Variants in IL2RB observed in about 807,000 individuals in gnomAD.
IL2RB encodes the protein interleukin 2 receptor subunit beta, also known as interleukin-2 receptor subunit beta.
IL2RB carries 17 observed loss-of-function variants against 44.2 expected under a neutral mutation model. The ratio of observed to expected loss-of-function variants is 0.38; its 90% CI spans 0.26 to 0.58. The LOEUF (loss-of-function observed/expected upper bound fraction) is 0.58. IL2RB is among the 20% of genes least tolerant of loss of function. The pLI, the probability that IL2RB is intolerant of heterozygous loss-of-function variation, is 0.63. For missense variants in IL2RB, 624 were observed against 685.5 expected (o/e 0.91, Z 1.00); for synonymous variants, 286 against 297.9 (o/e 0.96, Z 0.41).
chr22:37,127,442 G>C lies in IL2RB; in HGVS notation c.*654C>G, dbSNP rs1046507835. The stretch of plus-strand genomic sequence containing the variant: ...GGAAGTTTGTCACCTAGATGAGGGG[G>C]AGCGCACAGCAGCCCCAGGGAATAG... On this transcript the variant is annotated 3_prime_UTR_variant, in exon 10 of 10. Coordinates refer to ENST00000216223, the MANE Select transcript of IL2RB (RefSeq NM_000878.5). 6.6e-6 allele frequency: 1 copy of C among 152,312 alleles called. No homozygotes were observed. The allele number at this position is 152,312 out of a possible 1,614,324, so 9.4% of individuals were successfully genotyped here.
At chr22:37,140,986 G>A (rs1476424111) in intron 4 of IL2RB, among the ~76,000 whole-genome samples, 2 of 152,096 alleles carry the variant, frequency 1.3e-5, no homozygotes, top group Non-Finnish European at 2.9e-5. Flanking sequence ...CTGCCCATCC[G>A]GAGTGGCCGC....
intron 1 of IL2RB, among the ~76,000 whole-genome samples, chr22:37,168,637 C>A (rs903812219): frequency 6.6e-6 from 1 of 152,226 alleles, no homozygotes; most frequent in South Asian, 2.1e-4. Context: ...TCCTGGCATG[C>A]AGGAGGCACC....
chr22:37,142,079 A>G (rs1232244087), intron 4 of IL2RB, among the ~76,000 whole-genome samples: 1 of 152,110 alleles, frequency 6.6e-6, no homozygotes. Context: ...TGCACTGCCA[A>G]GCCCCCGGGA....
intron 3 of IL2RB, among the ~76,000 whole-genome samples, chr22:37,142,935 A>C (rs1436313303): frequency 1.6e-3 from 181 of 113,808 alleles, no homozygotes; most frequent in African/African-American, 2.7e-3. Flanking sequence ...ATTTTCCCCC[A>C]CCCCACACCC....
intron 6 of IL2RB, among the ~76,000 whole-genome samples, chr22:37,137,162 T>C (rs1921748955): frequency 6.6e-6 from 1 of 152,160 alleles, no homozygotes; most frequent in Non-Finnish European, 1.5e-5. Flanking sequence ...ATTCAGCGCA[T>C]AGTAGGTGCT....
chr22:37,158,711 G>T (rs1266198915), intron 1 of IL2RB, among the ~76,000 whole-genome samples: 2 of 152,216 alleles, frequency 1.3e-5, no homozygotes, highest in Non-Finnish European at 2.9e-5. Flanking sequence ...GAAGGCATGA[G>T]TGTGGCATAC....
Position 37,137,748 on chromosome 22 carries a change from G to A in IL2RB, c.389-13C>T. The A allele has an allele frequency of 1.2e-6, 2 of 1,611,634 alleles. No individual in the cohort carries two copies. The highest frequency in any genetic ancestry group is 1.7e-6 in the Non-Finnish European group (2 of 1,178,046). Reference sequence around the variant, plus strand: ...GCCATCAGGCGAACTGGAGACAACAGGGGGTAGGGGAGAGCAGTCAGCCAT... The same window carrying A: ...GCCATCAGGCGAACTGGAGACAACAAGGGGTAGGGGAGAGCAGTCAGCCAT... On this transcript the variant is annotated splice_polypyrimidine_tract_variant and intron_variant, in intron 5 of 9. Transcript: ENST00000216223.
intron 1 of IL2RB, among the ~76,000 whole-genome samples, chr22:37,145,005 A>T (rs1922160174): frequency 6.6e-6 from 1 of 152,276 alleles, no homozygotes; most frequent in South Asian, 2.1e-4. Flanking sequence ...TGATGGAATA[A>T]ATATAGACAG....
At chr22:37,150,801 C>A (rs1326673745), upstream of IL2RB, among the ~76,000 whole-genome samples, 3 of 152,112 alleles carry the variant, frequency 2.0e-5, no homozygotes, top group African/African-American at 7.2e-5. Context: ...TTTTTAGCTC[C>A]CACAAATAAG....
intron 1 of IL2RB, among the ~76,000 whole-genome samples, chr22:37,173,250 C>T (rs764467253): frequency 1.3e-5 from 2 of 152,172 alleles, no homozygotes; most frequent in South Asian, 4.1e-4. Flanking sequence ...TTGCTTCTCC[C>T]TTGCCAGCAC....
At chr22:37,133,181 A>AG (rs778368554) in intron 8 of IL2RB, among the ~76,000 whole-genome samples, 2 of 152,196 alleles carry the variant, frequency 1.3e-5, no homozygotes, top group African/African-American at 2.4e-5. Flanking sequence ...AAAGCACTGA[A>AG]GGGGCGCAAG....
intron 1 of IL2RB, among the ~76,000 whole-genome samples, chr22:37,144,655 G>A (rs1364432237): frequency 1.3e-5 from 2 of 152,172 alleles, no homozygotes; most frequent in African/African-American, 4.8e-5. Flanking sequence ...TAAGACAGGA[G>A]AATTGCTTGA....
chr22:37,158,972 C>T (rs1251832075), intron 1 of IL2RB, among the ~76,000 whole-genome samples: 1 of 152,230 alleles, frequency 6.6e-6, no homozygotes, highest in Non-Finnish European at 1.5e-5. Context: ...ACTCCTAACC[C>T]AGGTCTCCTC....
At chr22:37,168,643 G>T (rs181393814) in intron 1 of IL2RB, among the ~76,000 whole-genome samples, 15 of 152,362 alleles carry the variant, frequency 9.8e-5, no homozygotes, top group African/African-American at 3.6e-4. Context: ...CATGCAGGAG[G>T]CACCTGAGGA....
intron 1 of IL2RB, among the ~76,000 whole-genome samples, chr22:37,159,162 G>A (rs1922774637): frequency 6.6e-6 from 1 of 152,102 alleles, no homozygotes; most frequent in Non-Finnish European, 1.5e-5. Flanking sequence ...GTTGCTGTGA[G>A]GAAAAAGGAC....
chr22:37,157,283 A>G (rs964030809), intron 1 of IL2RB, among the ~76,000 whole-genome samples: 1 of 152,132 alleles, frequency 6.6e-6, no homozygotes, highest in African/African-American at 2.4e-5. Flanking sequence ...CCAGTCCCCA[A>G]GACAGACTGT....
intron 9 of IL2RB, among the ~76,000 whole-genome samples, chr22:37,129,084 G>C (rs1239485128): frequency 6.6e-6 from 1 of 152,210 alleles, no homozygotes; most frequent in Admixed American, 6.5e-5. Context: ...CCCAGCACAG[G>C]CCTGCCTGGC....
chr22:37,167,899 C>G (rs116437994), intron 1 of IL2RB, among the ~76,000 whole-genome samples: 1 of 149,514 alleles, frequency 6.7e-6, no homozygotes, highest in African/African-American at 2.4e-5. Context: ...GGAAGGGGTG[C>G]GGGAGGGAGG....
At chr22:37,146,104 G>C (rs750622514) in intron 1 of IL2RB, among the ~76,000 whole-genome samples, 28 of 152,098 alleles carry the variant, frequency 1.8e-4, no homozygotes, top group Non-Finnish European at 3.8e-4. Flanking sequence ...TATTCCAGGT[G>C]ACCTTTGCCC....
Sources: allele counts gnomAD v4.1 joint callset (sites outside exome capture counted in the v4.1 genomes callset), GRCh38; gene constraint gnomAD v4.1.1; transcripts MANE v1.5; gene names NCBI Gene and HGNC (gene_info 2026-07-23, HGNC 2026-07-21).